The following GPX2 variants were observed in gnomAD, a reference collection of about 807,000 sequenced individuals.
GPX2 encodes gastrointestinal glutathione peroxidase.
In GPX2, 21 loss-of-function variants were observed where a neutral mutation model predicts 14.1. The ratio of observed to expected loss-of-function variants is 1.48; its 90% CI spans 1.05 to 2.14. The LOEUF (loss-of-function observed/expected upper bound fraction) is 2.14, where lower values mean the gene tolerates loss of function less well. Ranked by LOEUF, GPX2 falls within the 30% of genes most tolerant of loss-of-function variation. The pLI, the probability that GPX2 is intolerant of heterozygous loss-of-function variation, is 0.00. For missense variants in GPX2, 241 were observed against 249.8 expected (o/e 0.96, Z 0.24); for synonymous variants, 94 against 95.2 (o/e 0.99, Z 0.07).
chr14:64,941,513 C>G (rs1443395986), intron 1 of GPX2: 1 of 1,288,292 alleles, frequency 7.8e-7, no homozygotes, highest in East Asian at 5.6e-5. Context: ...TTTGCTACTT[C>G]TGTCTCTCCT....
Position 64,939,540 on chromosome 14 carries a change from G to T in GPX2, c.521C>A (p.Pro174Gln). ...EPFRRYSRTF[P>Q]TINIEPDIKR... Reference sequence around the variant, plus strand: ...GATGTCAGGCTCAATGTTGATGGTTGGGAAGGTGCGGCTGTAGCGTCGGAA... The same window carrying T: ...GATGTCAGGCTCAATGTTGATGGTTTGGAAGGTGCGGCTGTAGCGTCGGAA... The change falls in exon 2 of 2, where the codon CCA (proline) becomes CAA (glutamine). Residue 174 changes from proline (P) to glutamine (Q), a missense_variant. Transcript: ENST00000389614. The surrounding 1 kb of genome is among the most constrained non-coding windows in gnomAD (Gnocchi z 5.7). 6.2e-7 allele frequency: 1 copy of T among 1,614,140 alleles called. No homozygotes were observed. Among genetic ancestry groups the T allele is most frequent in the Non-Finnish European group, 8.5e-7 (1 of 1,180,010 alleles).
Position 64,942,418 on chromosome 14 carries a change from A to G in GPX2, c.222+87T>C, listed in dbSNP as rs1234991970. ...ATACCCCATTATTCCAGACACTCCA[A>G]AACATGGTCATTCAGCCTCTCCTTT... is the stretch of plus-strand genomic sequence containing the variant. On this transcript the variant is annotated intron_variant, in intron 1 of 1. Transcript: ENST00000389614. 4 of 1,063,906 alleles carry G rather than the reference A, an allele frequency of 3.8e-6. No individual in the cohort carries two copies. The Admixed American group carries it at 7.0e-5, about 19-fold the overall frequency. 65.9% of individuals were successfully genotyped at this position (1,063,906 alleles called of 1,614,324 possible).
chr14:64,940,347 G>A lies in GPX2; in HGVS notation c.223-509C>T, dbSNP rs901516750. ...CTTTCCTCTGCCCTGGTTTTGCCTC[G>A]CCTGCTTTCAATTGCACGTGTGTTG... On this transcript the variant is annotated intron_variant, in intron 1 of 1. Coordinates refer to ENST00000389614, the MANE Select transcript of GPX2 (RefSeq NM_002083.4). The surrounding 1 kb of genome is among the most constrained non-coding windows in gnomAD (Gnocchi z 4.5). 62 of 473,264 alleles carry A rather than the reference G, an allele frequency of 1.3e-4. 2 individuals carry two copies. Among genetic ancestry groups the A allele is most frequent in the South Asian group, 7.9e-4 (50 of 63,382 alleles). 29.3% of individuals were successfully genotyped at this position (473,264 alleles called of 1,614,324 possible).
intron 1 of GPX2, among the ~76,000 whole-genome samples, chr14:64,942,008 A>G (rs1051560685): frequency 6.6e-6 from 1 of 152,196 alleles, no homozygotes; most frequent in Non-Finnish European, 1.5e-5. Flanking sequence ...TAATAATCCT[A>G]TGAGCTAAGT....
rs61465663 is a variant in GPX2, at chr14:64,939,329, A to G, written c.*159T>C. 1,065 of 672,358 alleles carry G rather than the reference A, an allele frequency of 1.6e-3. 15 individuals are homozygous for G. The highest frequency in any genetic ancestry group is 0.016 in the South Asian group (861 of 54,484). 41.6% of individuals were successfully genotyped at this position (672,358 alleles called of 1,614,324 possible). On this transcript the variant is annotated 3_prime_UTR_variant, in exon 2 of 2. Coordinates refer to ENST00000389614, the MANE Select transcript of GPX2 (RefSeq NM_002083.4). The surrounding 1 kb of genome is among the most constrained non-coding windows in gnomAD (Gnocchi z 5.7). Reference sequence around the variant, plus strand: ...TCACCAACCAGAGGGTTGGGAGAGGAAAAGGAAACAGGCAGAGGGGAAAGG... The same window carrying G: ...TCACCAACCAGAGGGTTGGGAGAGGGAAAGGAAACAGGCAGAGGGGAAAGG...
intron 1 of GPX2, 89 bp downstream of exon 1, chr14:64,942,416 C>G: frequency 9.6e-7 from 1 of 1,042,058 alleles, no homozygotes; most frequent in East Asian, 2.4e-5. Flanking sequence ...CCAGACACTC[C>G]AAAACATGGT....
chr14:64,941,762 C>T (rs989520528), intron 1 of GPX2, among the ~76,000 whole-genome samples: 1 of 152,126 alleles, frequency 6.6e-6, no homozygotes, highest in Non-Finnish European at 1.5e-5. Flanking sequence ...AAAGAGAACT[C>T]GAGGTGTGTG....
chr14:64,941,405 C>T, intron 1 of GPX2: 1 of 1,285,422 alleles, frequency 7.8e-7, no homozygotes, highest in Non-Finnish European at 1.0e-6. Context: ...TGGCTGGCTC[C>T]TGGTAGGTTA....
Position 64,939,529 on chromosome 14 carries a change from T to C in GPX2, c.532A>G (p.Ile178Val), listed in dbSNP as rs376745228. Reference sequence around the variant, plus strand: ...AGGAGGCGCTTGATGTCAGGCTCAATGTTGATGGTTGGGAAGGTGCGGCTG... The same window carrying C: ...AGGAGGCGCTTGATGTCAGGCTCAACGTTGATGGTTGGGAAGGTGCGGCTG... ...RYSRTFPTIN[I>V]EPDIKRLLKV... is the part of the protein sequence containing the mutation. The change falls in exon 2 of 2, where the codon ATT becomes GTT. Residue 178 changes from isoleucine (I) to valine (V), a missense_variant. Coordinates refer to ENST00000389614, the MANE Select transcript of GPX2 (RefSeq NM_002083.4). The surrounding 1 kb of genome is among the most constrained non-coding windows in gnomAD (Gnocchi z 5.7). The C allele has an allele frequency of 1.9e-5, 31 of 1,614,078 alleles. No individual in the cohort carries two copies. Among genetic ancestry groups the C allele is most frequent in the Non-Finnish European group, 2.6e-5 (31 of 1,179,988 alleles).
At chr14:64,941,457 G>A (rs1054294463) in intron 1 of GPX2, 2 of 1,288,672 alleles carry the variant, frequency 1.6e-6, no homozygotes, top group African/African-American at 3.0e-5. Context: ...GAGATGGTGT[G>A]AGGCTGGAGG....
At position 64,940,553 on chromosome 14, in the gene GPX2, TA is replaced by T. The variant is rs747301571; in HGVS notation, c.223-716del. ...AAGAACATCTAGTTTTCAGGTGCCA[TA>T]ACAGCAGAGCAAGTTCAAGGCAACA... is the stretch of plus-strand genomic sequence containing the variant. On this transcript the variant is annotated intron_variant, in intron 1 of 1. Transcript: ENST00000389614. The surrounding 1 kb of genome is among the most constrained non-coding windows in gnomAD (Gnocchi z 4.5). Among the ~76,000 whole-genome samples the T allele has an allele frequency of 1.2e-4, 19 of 152,302 alleles. No homozygotes were observed. Among genetic ancestry groups the T allele is most frequent in the Non-Finnish European group, 2.2e-4 (15 of 68,030 alleles).
Position 64,939,710 on chromosome 14 carries a change from G to A in GPX2, c.351C>T (p.Ala117=), listed in dbSNP as rs1885507921. The A allele has an allele frequency of 6.2e-7, 1 of 1,614,124 alleles. No individual in the cohort carries two copies. Reference sequence around the variant, plus strand: ...GGTAGGGGAGCTTGTCCTTCAGGTAGGCGAAGACAGGATGCTCGTTCTGCC... The same window carrying A: ...GGTAGGGGAGCTTGTCCTTCAGGTAAGCGAAGACAGGATGCTCGTTCTGCC... ...VNGQNEHPVF[A]YLKDKLPYPY... Residue 117 remains alanine (A), a synonymous_variant, in exon 2 of 2, where the codon GCC becomes GCT. Transcript: ENST00000389614. The surrounding 1 kb of genome is among the most constrained non-coding windows in gnomAD (Gnocchi z 5.7).
intron 1 of GPX2, among the ~76,000 whole-genome samples, chr14:64,941,056 TC>T (rs1279754326): frequency 2.6e-5 from 4 of 152,232 alleles, no homozygotes; most frequent in Admixed American, 6.5e-5. Flanking sequence ...CTAGTGGACT[TC>T]TCTGTTTTTG....
Position 64,940,102 on chromosome 14 carries a change from G to A in GPX2, c.223-264C>T. On this transcript the variant is annotated intron_variant, in intron 1 of 1. Transcript: ENST00000389614. This position sits in a 1 kb window ranked among gnomAD's most constrained non-coding sequence, Gnocchi z 4.5. ...CGGCTAATTTTTTTTTTTTTTTGTA[G>A]AGATGGGGTCTCACTTTGTTGCCCA... 1 of 1,342,932 alleles carries A rather than the reference G, an allele frequency of 7.4e-7. No individual in the cohort carries two copies. The highest frequency in any genetic ancestry group is 9.8e-7 in the Non-Finnish European group (1 of 1,019,386). 83.2% of individuals were successfully genotyped at this position (1,342,932 alleles called of 1,614,324 possible).
intron 1 of GPX2, chr14:64,941,420 C>CT: frequency 7.8e-7 from 1 of 1,287,504 alleles, no homozygotes; most frequent in South Asian, 1.2e-5. Flanking sequence ...AGGTTATAGA[C>CT]TCCCTCCAGC....
At position 64,939,853 on chromosome 14, in the gene GPX2, A is replaced by G. The variant is rs777967637; in HGVS notation, c.223-15T>C. The G allele has an allele frequency of 5.0e-6, 8 of 1,611,048 alleles. No homozygotes were observed. Among genetic ancestry groups the G allele is most frequent in the Non-Finnish European group, 6.8e-6 (8 of 1,177,746 alleles). ...TGACAGTTCTCCTAGGGGAGGAAAA[A>G]GACAAAGTGCGTGGACAGTGGGTGG... is the stretch of plus-strand genomic sequence containing the variant. On this transcript the variant is annotated splice_polypyrimidine_tract_variant and intron_variant, in intron 1 of 1. Coordinates refer to ENST00000389614, the MANE Select transcript of GPX2 (RefSeq NM_002083.4). The surrounding 1 kb of genome is among the most constrained non-coding windows in gnomAD (Gnocchi z 5.7).
At chr14:64,941,407 G>A (rs1217367095) in intron 1 of GPX2, 1 of 1,285,768 alleles carries the variant, frequency 7.8e-7, no homozygotes, top group Non-Finnish European at 1.0e-6. Flanking sequence ...GCTGGCTCCT[G>A]GTAGGTTATA....
chr14:64,940,899 A>G lies in GPX2; in HGVS notation c.223-1061T>C, dbSNP rs1428219576. 6.6e-6 allele frequency among the ~76,000 whole-genome samples: 1 copy of G among 152,144 alleles called. No individual in the cohort carries two copies. Among genetic ancestry groups the G allele is most frequent in the African/African-American group, 2.4e-5 (1 of 41,424 alleles). On this transcript the variant is annotated intron_variant, in intron 1 of 1. Transcript: ENST00000389614. This position sits in a 1 kb window ranked among gnomAD's most constrained non-coding sequence, Gnocchi z 4.5. ...CCATTCATGACAATCCAAAAGGCCT[A>G]TGGGAACCCTTCTTTTCCACCTCTA...
Position 64,940,315 on chromosome 14 carries a change from CCCTTT to C in GPX2, c.223-482_223-478del, listed in dbSNP as rs1440404199. The C allele has an allele frequency of 3.6e-6, 2 of 550,842 alleles. No individual in the cohort carries two copies. Among genetic ancestry groups the C allele is most frequent in the African/African-American group, 1.9e-5 (1 of 51,718 alleles). 34.1% of individuals were successfully genotyped at this position (550,842 alleles called of 1,614,324 possible). A position where few individuals can be genotyped will look rare whatever the true frequency, so the allele number is the denominator to read the frequency against. ...CATAAATCCATACCTACACACACACCCCTTTCCTTTCCTCTGCCCTGGTTTTGCCT... is the reference window on the plus strand; with the variant it reads ...CATAAATCCATACCTACACACACACCCCTTTCCTCTGCCCTGGTTTTGCCT... On this transcript the variant is annotated intron_variant, in intron 1 of 1. Coordinates refer to ENST00000389614, the MANE Select transcript of GPX2 (RefSeq NM_002083.4). This position sits in a 1 kb window ranked among gnomAD's most constrained non-coding sequence, Gnocchi z 4.5.
Sources: gnomAD v4.1 joint callset for allele counts (sites outside exome capture counted in the v4.1 genomes callset) on GRCh38, gnomAD v4.1.1 for gene constraint, Gnocchi (gnomAD v3.1) non-coding constraint, MANE v1.5 for transcripts, NCBI Gene and HGNC (gene_info 2026-07-23, HGNC 2026-07-21) for gene names.